The following METTL27 variants were observed in gnomAD, a reference collection of about 807,000 sequenced individuals.
METTL27 encodes methyltransferase like 27.
In METTL27, 29 loss-of-function variants were observed where a neutral mutation model predicts 24.5. The observed-to-expected ratio is 1.18, with a 90% CI of 0.88 to 1.61. METTL27 has a LOEUF of 1.61. METTL27 is among the 40% of genes most tolerant of loss of function. The pLI, the probability that METTL27 is intolerant of heterozygous loss-of-function variation, is 0.00. For missense variants in METTL27, 341 were observed against 324.3 expected, an observed-to-expected ratio of 1.05 and a Z score of -0.40; for synonymous variants, 138 against 146.8, an observed-to-expected ratio of 0.94 and a Z score of 0.43.
chr7:73,840,131 GTGGGGGGGGGT>G lies in METTL27; in HGVS notation c.389-22_389-12del. 6.8e-7 allele frequency: 1 copy of G among 1,462,338 alleles called. No individual in the cohort carries two copies. Among genetic ancestry groups the G allele is most frequent in the Non-Finnish European group, 9.3e-7 (1 of 1,079,512 alleles). 90.6% of individuals were successfully genotyped at this position (1,462,338 alleles called of 1,614,324 possible). On this transcript the variant is annotated splice_polypyrimidine_tract_variant and intron_variant, in intron 4 of 5. Transcript: ENST00000297873. ...CCGCGTCGAAGGTCCCTGTGTGTGTGTGGGGGGGGGTGGGGACATGGTGTGATGCTTGGAAG... is the reference window on the plus strand; with the variant it reads ...CCGCGTCGAAGGTCCCTGTGTGTGTGGGGGACATGGTGTGATGCTTGGAAG...
rs1327400273 is a variant in METTL27 at position 73,841,509 on chromosome 7, G to C, written c.124-311C>G. Among the ~76,000 whole-genome samples the C allele has an allele frequency of 1.1e-4, 16 of 140,874 alleles. No individual in the cohort carries two copies. The East Asian group carries it at 3.1e-3, about 27-fold the overall frequency. The allele number at this position is 140,874 out of a possible 152,430, so 92.4% of individuals were successfully genotyped here. ...TTTTTTTGAGACAGAGTCTCCCTCTGTCACTCGGGCTGGAGTGCAGTGAAG... is the reference window on the plus strand; with the variant it reads ...TTTTTTTGAGACAGAGTCTCCCTCTCTCACTCGGGCTGGAGTGCAGTGAAG... On this transcript the variant is annotated intron_variant, in intron 2 of 5. Coordinates refer to ENST00000297873, the MANE Select transcript of METTL27 (RefSeq NM_152559.3).
intron 5 of METTL27, among the ~76,000 whole-genome samples, chr7:73,835,439 C>T (rs1049455365): frequency 6.9e-6 from 1 of 144,026 alleles, no homozygotes. Flanking sequence ...GGTCTCCAGC[C>T]CCTAACCGCA....
intron 5 of METTL27, among the ~76,000 whole-genome samples, chr7:73,835,986 C>T (rs1305121471): frequency 9.0e-5 from 11 of 122,264 alleles, no homozygotes; most frequent in African/African-American, 2.6e-4. Context: ...GCAGCCGCCC[C>T]GTCTGGGAAG....
chr7:73,840,364 A>G, intron 4 of METTL27, 50 bp downstream of exon 4: 1 of 1,550,326 alleles, frequency 6.5e-7, no homozygotes, highest in African/African-American at 1.4e-5. Flanking sequence ...AGCAAGGGAA[A>G]GGGCTTCATG....
intron 2 of METTL27, 28 bp downstream of exon 2, chr7:73,841,990 G>T (rs782467928): frequency 1.5e-5 from 25 of 1,613,994 alleles, no homozygotes; most frequent in Non-Finnish European, 2.0e-5. Flanking sequence ...GGCTGGTCTA[G>T]TGGAGGCAAG....
intron 2 of METTL27, 48 bp from the exon 3 acceptor site, chr7:73,841,246 G>A (rs782774495): frequency 6.5e-7 from 1 of 1,539,264 alleles, no homozygotes; most frequent in Admixed American, 2.3e-5. Context: ...CAGTGTTTGG[G>A]GGATCTCCCT....
intron 5 of METTL27, among the ~76,000 whole-genome samples, chr7:73,837,307 T>A (rs570282307): frequency 1.1e-3 from 60 of 56,044 alleles, no homozygotes; most frequent in Non-Finnish European, 1.8e-3. Context: ...ATAAATAAAT[T>A]TAAAAAAAAT....
rs147667923 is a variant in METTL27, at chr7:73,842,117, G to T, written c.24C>A (p.Ser8Arg). The change falls in exon 2 of 6, where the codon AGC (serine) becomes AGA (arginine). Residue 8 changes from serine to arginine, a missense_variant. Transcript: ENST00000297873. MAQEEGG[S>R]LPEVRARVRA... is the part of the protein sequence containing the mutation. ...TGACCCGCGCCCGCACCTCGGGCAG[G>T]CTCCCACCCTCCTCCTGGGCCATGC... 2 of 1,612,384 alleles carry T rather than the reference G, an allele frequency of 1.2e-6. No homozygotes were observed. The highest frequency in any genetic ancestry group is 2.7e-5 in the African/African-American group (2 of 74,900).
chr7:73,836,137 G>A (rs1432894453), intron 5 of METTL27, among the ~76,000 whole-genome samples: 43 of 111,322 alleles, frequency 3.9e-4, no homozygotes, highest in African/African-American at 1.2e-3. Context: ...AGGTGGGGGG[G>A]TCAGCCCCCT....
chr7:73,840,615 C>T (rs1261374654), intron 3 of METTL27, 66 bp from the exon 4 acceptor site: 7 of 1,515,096 alleles, frequency 4.6e-6, no homozygotes, highest in Non-Finnish European at 6.2e-6. Flanking sequence ...GTCCCTGCAC[C>T]TTGGCAGGGC....
intron 1 of METTL27, 43 bp from the exon 2 acceptor site, chr7:73,842,187 G>A (rs1446041528): frequency 1.9e-6 from 3 of 1,567,628 alleles, no homozygotes; most frequent in African/African-American, 1.4e-5. Flanking sequence ...CACCTCAATC[G>A]CCCATCCCCT....
In METTL27 at chr7:73,842,015, T is replaced by C; in HGVS notation, c.123+3A>G. ...GTGGAGGCAAGGCCCCAAATGAGTT[T>C]ACCTGGTCGTAGTCCGGAGCCCAGC... is the stretch of plus-strand genomic sequence containing the variant. On this transcript the variant is annotated splice_donor_region_variant and intron_variant, in intron 2 of 5. Coordinates refer to ENST00000297873, the MANE Select transcript of METTL27 (RefSeq NM_152559.3). The C allele has an allele frequency of 6.2e-7, 1 of 1,614,104 alleles. No individual in the cohort carries two copies. The highest frequency in any genetic ancestry group is 2.2e-5 in the East Asian group (1 of 44,868).
Position 73,834,651 on chromosome 7 carries a change from C to A in METTL27, c.*92G>T. On this transcript the variant is annotated 3_prime_UTR_variant, in exon 6 of 6. Transcript: ENST00000297873. Reference sequence around the variant, plus strand: ...GAGGGGCAGGGTTGGTTCGGAGGTCCCATTTTACAGGGGAGGCAGAGGAGG... The same window carrying A: ...GAGGGGCAGGGTTGGTTCGGAGGTCACATTTTACAGGGGAGGCAGAGGAGG... 8.4e-7 allele frequency: 1 copy of A among 1,194,090 alleles called. No individual in the cohort carries two copies. The highest frequency in any genetic ancestry group is 1.2e-6 in the Non-Finnish European group (1 of 845,880). The allele number at this position is 1,194,090 out of a possible 1,614,324, so 74.0% of individuals were successfully genotyped here.
intron 5 of METTL27, among the ~76,000 whole-genome samples, chr7:73,839,098 C>T (rs1584339110): frequency 6.6e-6 from 1 of 152,154 alleles, no homozygotes; most frequent in East Asian, 1.9e-4. Context: ...GCCTGGCCAA[C>T]ATGATGAAAC....
rs1402673781 is a variant in METTL27, at chr7:73,840,266, A to C, written c.389-146T>G. Reference sequence around the variant, plus strand: ...AGGTCCCCTAGAGGATAAGGTAAGTATGGCCCAGTTCTGGGCTGCAGTCAG... The same window carrying C: ...AGGTCCCCTAGAGGATAAGGTAAGTCTGGCCCAGTTCTGGGCTGCAGTCAG... On this transcript the variant is annotated intron_variant, in intron 4 of 5. Transcript: ENST00000297873. 8.9e-6 allele frequency: 13 copies of C among 1,463,404 alleles called. No homozygotes were observed. The African/African-American group carries it at 1.8e-4, about 21-fold the overall frequency. 90.7% of individuals were successfully genotyped at this position (1,463,404 alleles called of 1,614,324 possible). A position where few individuals can be genotyped will look rare whatever the true frequency, so the allele number is the denominator to read the frequency against.
chr7:73,840,925 T>A (rs1788335214), intron 3 of METTL27, 145 bp downstream of exon 3: 1 of 1,282,862 alleles, frequency 7.8e-7, no homozygotes, highest in Non-Finnish European at 1.0e-6. Flanking sequence ...CCTCCCATAG[T>A]GTGAGCCACA....
At chr7:73,841,005 G>A in intron 3 of METTL27, 65 bp downstream of exon 3, 1 of 1,403,340 alleles carries the variant, frequency 7.1e-7, no homozygotes, top group Non-Finnish European at 9.3e-7. Flanking sequence ...CTGGGGCCAG[G>A]GGCAGTAGGA....
At chr7:73,840,201 T>C in intron 4 of METTL27, 81 bp from the exon 5 acceptor site, 1 of 1,494,336 alleles carries the variant, frequency 6.7e-7, no homozygotes, top group South Asian at 1.3e-5. Flanking sequence ...CAGACCACCC[T>C]AGGGGTGGGA....
chr7:73,838,174 C>A (rs1554635675), intron 5 of METTL27, among the ~76,000 whole-genome samples: 1 of 152,100 alleles, frequency 6.6e-6, no homozygotes, highest in Non-Finnish European at 1.5e-5. Context: ...ACGTAATTCT[C>A]CTGGATTGAG....
Sources: gnomAD v4.1 joint callset for allele counts (sites outside exome capture counted in the v4.1 genomes callset) on GRCh38, gnomAD v4.1.1 for gene constraint, MANE v1.5 for transcripts, NCBI Gene and HGNC (gene_info 2026-07-23, HGNC 2026-07-21) for gene names.